The following SELENOV variants were observed in gnomAD, a reference collection of about 807,000 sequenced individuals.
SELENOV encodes selenoprotein V.
A neutral mutation model predicts 21.6 loss-of-function variants in SELENOV; 25 were observed. The observed-to-expected ratio is 1.16, with a 90% CI of 0.84 to 1.62. The LOEUF is 1.62. SELENOV is among the 40% of genes most tolerant of loss of function. The pLI, the probability that SELENOV is intolerant of heterozygous loss-of-function variation, is 0.00. For synonymous variants in SELENOV, 227 were observed against 216.9 expected, an observed-to-expected ratio of 1.05 and a Z score of -0.41; for missense variants, 472 against 459.0, an observed-to-expected ratio of 1.03 and a Z score of -0.26.
chr19:39,518,289 AAAAAC>A (rs1234495781), intron 1 of SELENOV, among the ~76,000 whole-genome samples: 24 of 66,802 alleles, frequency 3.6e-4, no homozygotes, highest in South Asian at 4.5e-4. Context: ...AAAAAAACAA[AAAAAC>A]AAAAAAAAAA....
rs556955082 is a variant in SELENOV, at chr19:39,519,744, T to C, written c.*23-402T>C. Among the ~76,000 whole-genome samples, 17 of 149,990 alleles carry C rather than the reference T, an allele frequency of 1.1e-4. No homozygotes were observed. In the South Asian group the frequency reaches 3.6e-3, roughly 32 times the overall value. On this transcript the variant is annotated intron_variant, in intron 5 of 5. Transcript: ENST00000335426. ...ACTTTGGGAGGCCGAGGCGGGCGGG[T>C]CACGAGGTCAGGAGATCGAGACCAT...
intron 1 of SELENOV, among the ~76,000 whole-genome samples, chr19:39,518,163 A>C (rs916214099): frequency 1.3e-4 from 19 of 149,948 alleles, no homozygotes; most frequent in African/African-American, 3.4e-4. Flanking sequence ...CCCAGCTACT[A>C]GGGAGGCTGA....
Position 39,515,577 on chromosome 19 carries a change from T to TCCCAGC in SELENOV, c.380_385dup (p.Pro127_Ala128dup), listed in dbSNP as rs559754455. 6.4e-5 allele frequency: 99 copies of TCCCAGC among 1,548,820 alleles called. No individual in the cohort carries two copies. Among genetic ancestry groups the TCCCAGC allele is most frequent in the East Asian group, 2.9e-4 (12 of 40,854 alleles). The stretch of plus-strand genomic sequence containing the variant: ...CGGACCCTGACTCCTCCAGTCCGGG[T>TCCCAGC]CCCAGCCCCAGCCCCAGCCCAGCTC... On this transcript the variant is annotated inframe_insertion, in exon 1 of 6. Coordinates refer to ENST00000335426, the Ensembl canonical transcript of SELENOV. This position sits in a 1 kb window ranked among gnomAD's most constrained non-coding sequence, Gnocchi z 5.1.
chr19:39,517,953 AGACTCT>A (rs2079705448), intron 1 of SELENOV, among the ~76,000 whole-genome samples: 2 of 116,824 alleles, frequency 1.7e-5, no homozygotes, highest in Admixed American at 1.9e-4. Context: ...CGACAGAGCA[AGACTCT>A]GTCTCAAAAA....
In SELENOV at chr19:39,515,526, A is replaced by G; in HGVS notation, c.314A>G (p.Asn105Ser). 2.6e-6 allele frequency: 4 copies of G among 1,544,478 alleles called. No individual in the cohort carries two copies. The highest frequency in any genetic ancestry group is 1.2e-5 in the South Asian group (1 of 83,754). ...GTGCCGACTCCCGTTCCCGTCCGGAACCCAACTCCGGTCCCGACTCCGGCT... is the reference window on the plus strand; with the variant it reads ...GTGCCGACTCCCGTTCCCGTCCGGAGCCCAACTCCGGTCCCGACTCCGGCT... The change falls in exon 1 of 6, where the codon AAC (asparagine) becomes AGC (serine). Residue 105 changes from asparagine to serine, a missense_variant. By Grantham distance (46) the Asn-to-Ser change is conservative. Transcript: ENST00000335426. The surrounding 1 kb of genome is among the most constrained non-coding windows in gnomAD (Gnocchi z 5.1).
At position 39,515,766 on chromosome 19, in the gene SELENOV, C is replaced by G. The variant is rs555103540; in HGVS notation, c.554C>G (p.Ala185Gly). ...CTCATCCCGTCGGTCTCCAGCGAGGCCGGGCCCGCCCCGGGGCCCCTTCCC... is the reference window on the plus strand; with the variant it reads ...CTCATCCCGTCGGTCTCCAGCGAGGGCGGGCCCGCCCCGGGGCCCCTTCCC... Residue 185 changes from alanine to glycine, a missense_variant, in exon 1 of 6, where the codon GCC (alanine) becomes GGC (glycine). Transcript: ENST00000335426. This position sits in a 1 kb window ranked among gnomAD's most constrained non-coding sequence, Gnocchi z 5.1. The G allele has an allele frequency of 2.6e-6, 4 of 1,549,060 alleles. No individual in the cohort carries two copies. In the African/African-American group the frequency reaches 4.1e-5, roughly 16 times the overall value.
chr19:39,516,514 C>T (rs537607967), intron 1 of SELENOV, among the ~76,000 whole-genome samples: 53 of 151,986 alleles, frequency 3.5e-4, no homozygotes, highest in Admixed American at 8.5e-4. Flanking sequence ...CTCCCCACCT[C>T]ACTCTCTCTC....
In SELENOV at chr19:39,515,427, T is replaced by C; in HGVS notation, c.215T>C (p.Leu72Pro). 1.3e-6 allele frequency: 2 copies of C among 1,551,444 alleles called. No individual in the cohort carries two copies. Among genetic ancestry groups the C allele is most frequent in the Non-Finnish European group, 1.7e-6 (2 of 1,146,908 alleles). The change falls in exon 1 of 6, where the codon CTG (leucine) becomes CCG (proline). Residue 72 changes from leucine to proline, a missense_variant. Coordinates refer to ENST00000335426, the Ensembl canonical transcript of SELENOV. The surrounding 1 kb of genome is among the most constrained non-coding windows in gnomAD (Gnocchi z 5.1). Reference sequence around the variant, plus strand: ...CCTGCTCCAGCCCAGATTCCCACTCTGGTCCCCACTCCCGCTCTGGCCCGG... The same window carrying C: ...CCTGCTCCAGCCCAGATTCCCACTCCGGTCCCCACTCCCGCTCTGGCCCGG...
intron 1 of SELENOV, among the ~76,000 whole-genome samples, chr19:39,516,693 A>G (rs1158155900): frequency 2.9e-5 from 4 of 137,352 alleles, no homozygotes; most frequent in Non-Finnish European, 6.3e-5. Context: ...ATGCCTGCCT[A>G]ATTTTTTTTT....
rs906575782 is a variant in SELENOV at position 39,516,058 on chromosome 19, GA to G, written c.809+38del. 7.8e-6 allele frequency: 12 copies of G among 1,539,602 alleles called. No homozygotes were observed. In the African/African-American group the frequency reaches 1.4e-4, roughly 18 times the overall value. On this transcript the variant is annotated intron_variant, in intron 1 of 5. Transcript: ENST00000335426. ...ACACATGCCTCTCCCAACCCCCGGG[GA>G]CAGGGCCGGCAGTGGGGGCTGGGTC...
chr19:39,515,385 C>A lies in SELENOV; in HGVS notation c.173C>A (p.Ser58Tyr), dbSNP rs898413439. The change falls in exon 1 of 6, where the codon TCC becomes TAC. Residue 58 changes from serine to tyrosine, a missense_variant. Physicochemically the swap from Ser to Tyr is moderately radical, Grantham distance 144. Transcript: ENST00000335426. The surrounding 1 kb of genome is among the most constrained non-coding windows in gnomAD (Gnocchi z 5.1). ...CTGACTCCGTCTCCAGCCGGGACTT[C>A]CCCTCTGGTCCTGACTCCTGCTCCA... The A allele has an allele frequency of 6.4e-7, 1 of 1,551,596 alleles. No individual in the cohort carries two copies. The highest frequency in any genetic ancestry group is 8.7e-7 in the Non-Finnish European group (1 of 1,146,944).
In SELENOV at chr19:39,518,477, C is replaced by T; in HGVS notation, c.810-131C>T. ...TCCCCTGCGTGAGATGGCACTACTTCGGGATTCTGAACAGGGGAGGAACAT... is the reference window on the plus strand; with the variant it reads ...TCCCCTGCGTGAGATGGCACTACTTTGGGATTCTGAACAGGGGAGGAACAT... On this transcript the variant is annotated intron_variant, in intron 1 of 5. Transcript: ENST00000335426. 3.8e-5 allele frequency: 35 copies of T among 914,662 alleles called. No individual in the cohort carries two copies. The South Asian group carries it at 4.3e-4, about 11-fold the overall frequency. 56.7% of individuals were successfully genotyped at this position (914,662 alleles called of 1,614,324 possible).
At chr19:39,518,827 T>A in intron 3 of SELENOV, 34 bp downstream of exon 3, 1 of 1,610,062 alleles carries the variant, frequency 6.2e-7, no homozygotes. Context: ...GAGAGGGGGG[T>A]GGTCAGGGAT....
Position 39,515,386 on chromosome 19 carries a change from C to A in SELENOV, c.174C>A (p.Ser58=). ...TGACTCCGTCTCCAGCCGGGACTTC[C>A]CCTCTGGTCCTGACTCCTGCTCCAG... Residue 58 remains serine (S), a synonymous_variant, in exon 1 of 6, where the codon TCC becomes TCA. Coordinates refer to ENST00000335426, the Ensembl canonical transcript of SELENOV. This position sits in a 1 kb window ranked among gnomAD's most constrained non-coding sequence, Gnocchi z 5.1. The A allele has an allele frequency of 1.9e-6, 3 of 1,551,590 alleles. No homozygotes were observed. Among genetic ancestry groups the A allele is most frequent in the Non-Finnish European group, 2.6e-6 (3 of 1,146,948 alleles).
intron 1 of SELENOV, among the ~76,000 whole-genome samples, chr19:39,518,295 A>C (rs559728003): frequency 4.6e-4 from 18 of 38,996 alleles, no homozygotes; most frequent in Non-Finnish European, 7.7e-4. Flanking sequence ...ACAAAAAAAC[A>C]AAAAAAAAAG....
At chr19:39,519,693 G>C (rs1184381873) in intron 5 of SELENOV, among the ~76,000 whole-genome samples, 2 of 151,438 alleles carry the variant, frequency 1.3e-5, no homozygotes, top group East Asian at 3.9e-4. Flanking sequence ...GTGCCGGGCG[G>C]GATGGCTCAC....
intron 5 of SELENOV, among the ~76,000 whole-genome samples, chr19:39,519,476 G>C (rs1388927978): frequency 6.6e-6 from 1 of 151,580 alleles, no homozygotes; most frequent in Non-Finnish European, 1.5e-5. Context: ...ATGAGACTCT[G>C]TCTCTACAAA....
At chr19:39,519,337 C>T (rs1017435498) in intron 5 of SELENOV, among the ~76,000 whole-genome samples, 167 bp downstream of exon 5, 4 of 151,870 alleles carry the variant, frequency 2.6e-5, no homozygotes, top group Non-Finnish European at 4.4e-5. Flanking sequence ...ATCTGTAAGA[C>T]CCTGGGGTAG....
In SELENOV at chr19:39,517,687, G is replaced by C. The variant is rs140495482; in HGVS notation, c.810-921G>C. Among the ~76,000 whole-genome samples, 518 of 152,182 alleles carry C rather than the reference G, an allele frequency of 3.4e-3. 4 individuals are homozygous for C. The highest frequency in any genetic ancestry group is 0.012 in the African/African-American group (500 of 41,536). On this transcript the variant is annotated intron_variant, in intron 1 of 5. Transcript: ENST00000335426. ...CTGGGGTATTGAAAGATGAGCTAGG[G>C]GCAGGGCCTATAATCCCAGCACTTT...
Sources: allele counts gnomAD v4.1 joint callset (sites outside exome capture counted in the v4.1 genomes callset), GRCh38; gene constraint gnomAD v4.1.1; non-coding constraint Gnocchi (gnomAD v3.1); transcripts MANE v1.5; gene names NCBI Gene and HGNC (gene_info 2026-07-23, HGNC 2026-07-21).